The following CEP41 variants were observed in gnomAD, a reference collection of about 807,000 sequenced individuals.
CEP41 encodes centrosomal protein 41, also known as centrosomal protein of 41 kDa.
CEP41 carries 32 observed loss-of-function variants against 44.3 expected under a neutral mutation model. That is an observed-to-expected ratio of 0.72 (90% confidence interval 0.54 to 0.97). The LOEUF (loss-of-function observed/expected upper bound fraction) is 0.97, where lower values mean the gene tolerates loss of function less well. Among genes scored for constraint, CEP41 ranks in the 50% least tolerant of loss-of-function variants. CEP41 has a pLI of 0.00. For synonymous variants in CEP41, 151 were observed against 168.5 expected, an observed-to-expected ratio of 0.90 and a Z score of 0.80; for missense variants, 432 against 455.2, an observed-to-expected ratio of 0.95 and a Z score of 0.46.
Position 130,398,512 on chromosome 7 carries a change from A to T in CEP41, c.*379T>A, listed in dbSNP as rs1363386390. On this transcript the variant is annotated 3_prime_UTR_variant, in exon 11 of 11. Transcript: ENST00000223208. ...AGGTGGCAGGGACAGGCACACGGGC[A>T]GATGTGACTGAAGTATTTACAAAAC... 4 of 458,328 alleles carry T rather than the reference A, an allele frequency of 8.7e-6. No individual in the cohort carries two copies. The highest frequency in any genetic ancestry group is 1.7e-5 in the Non-Finnish European group (4 of 229,634). 28.4% of individuals were successfully genotyped at this position (458,328 alleles called of 1,614,324 possible). A position where few individuals can be genotyped will look rare whatever the true frequency, so the allele number is the denominator to read the frequency against.
intron 7 of CEP41, 33 bp downstream of exon 7, chr7:130,402,615 G>T: frequency 6.2e-7 from 1 of 1,613,058 alleles, no homozygotes; most frequent in Non-Finnish European, 8.5e-7. Context: ...CTGTTCTTGA[G>T]AGTGAGGCAC....
At chr7:130,414,634 A>G (rs1476443684) in intron 3 of CEP41, among the ~76,000 whole-genome samples, 2 of 152,248 alleles carry the variant, frequency 1.3e-5, no homozygotes, top group Non-Finnish European at 2.9e-5. Context: ...TGTCTTCTGC[A>G]CAAGCACTAG....
chr7:130,406,526 G>C (rs573518736), intron 5 of CEP41, among the ~76,000 whole-genome samples: 2 of 152,292 alleles, frequency 1.3e-5, no homozygotes, highest in African/African-American at 4.8e-5. Context: ...GGAGGTTGCA[G>C]TGAGCTGAGA....
At chr7:130,400,658 G>A in intron 9 of CEP41, 49 bp downstream of exon 9, 1 of 1,118,052 alleles carries the variant, frequency 8.9e-7, no homozygotes, top group Non-Finnish European at 1.3e-6. Flanking sequence ...AGGTGGGACT[G>A]AAGGATGATC....
At position 130,398,402 on chromosome 7, in the gene CEP41, A is replaced by G. The variant is rs1554415797; in HGVS notation, c.*489T>C. The G allele has an allele frequency of 6.6e-6, 3 of 453,928 alleles. No homozygotes were observed. The highest frequency in any genetic ancestry group is 1.3e-5 in the Non-Finnish European group (3 of 226,824). 28.1% of individuals were successfully genotyped at this position (453,928 alleles called of 1,614,324 possible). A position where few individuals can be genotyped will look rare whatever the true frequency, so the allele number is the denominator to read the frequency against. On this transcript the variant is annotated 3_prime_UTR_variant, in exon 11 of 11. Transcript: ENST00000223208. The stretch of plus-strand genomic sequence containing the variant: ...TGGGGTCTGCAGGCGGCTGGAACCT[A>G]AGGCTCATCTGCACCCTTGGAAACA...
At chr7:130,437,365 CA>C (rs35213113) in intron 1 of CEP41, among the ~76,000 whole-genome samples, 10 of 146,578 alleles carry the variant, frequency 6.8e-5, no homozygotes, top group Non-Finnish European at 9.0e-5. Flanking sequence ...ACACTGGGGA[CA>C]AAAAAAAAAG....
chr7:130,414,189 G>A (rs1797268354), intron 3 of CEP41, among the ~76,000 whole-genome samples: 1 of 152,188 alleles, frequency 6.6e-6, no homozygotes, highest in African/African-American at 2.4e-5. Flanking sequence ...GTCTTAAAGA[G>A]AGCAATTTGG....
At chr7:130,402,020 T>C in intron 7 of CEP41, 72 bp from the exon 8 acceptor site, 1 of 1,033,794 alleles carries the variant, frequency 9.7e-7, no homozygotes, top group Non-Finnish European at 1.5e-6. Flanking sequence ...TCCCAGCTGG[T>C]TTAAAATCTA....
rs1554416743 is a variant in CEP41 at position 130,400,822 on chromosome 7, C to T, written c.643-1G>A. On this transcript the variant is annotated splice_acceptor_variant, in intron 8 of 10. Transcript: ENST00000223208. LOFTEE classifies it high-confidence loss of function. ...TGATGATCTTGCCATGGGCATTTTTCTAAGAGTCAGATGAGTTAAGGTTCC... is the reference window on the plus strand; with the variant it reads ...TGATGATCTTGCCATGGGCATTTTTTTAAGAGTCAGATGAGTTAAGGTTCC... 1.3e-6 allele frequency: 2 copies of T among 1,599,692 alleles called. No individual in the cohort carries two copies. Among genetic ancestry groups the T allele is most frequent in the African/African-American group, 2.7e-5 (2 of 74,674 alleles).
chr7:130,408,996 T>A (rs1187879053), intron 5 of CEP41, among the ~76,000 whole-genome samples: 1 of 152,126 alleles, frequency 6.6e-6, no homozygotes, highest in African/African-American at 2.4e-5. Context: ...TAGATTTAAT[T>A]GGGGTGAGGG....
chr7:130,418,979 G>A (rs1407578348), intron 2 of CEP41: 1 of 776,688 alleles, frequency 1.3e-6, no homozygotes, highest in Admixed American at 6.3e-5. Flanking sequence ...TTGAAACACT[G>A]CATTTCCAAA....
chr7:130,413,519 T>C (rs1797246218), intron 3 of CEP41, among the ~76,000 whole-genome samples: 1 of 151,142 alleles, frequency 6.6e-6, no homozygotes, highest in African/African-American at 2.4e-5. Context: ...AGGTGGAGAT[T>C]GCAGTGAGCC....
chr7:130,436,004 AT>A (rs1393703691), intron 1 of CEP41, among the ~76,000 whole-genome samples: 1 of 152,126 alleles, frequency 6.6e-6, no homozygotes, highest in African/African-American at 2.4e-5. Context: ...AATACAAAAA[AT>A]TGGCCGGGCA....
At chr7:130,441,368 A>T (rs542959302), upstream of CEP41, 1 of 367,368 alleles carries the variant, frequency 2.7e-6, no homozygotes, top group Non-Finnish European at 5.3e-6. Context: ...ACAACACAAG[A>T]CTCCCCATCC....
chr7:130,430,979 T>C (rs1797805764), intron 1 of CEP41, among the ~76,000 whole-genome samples: 1 of 152,044 alleles, frequency 6.6e-6, no homozygotes, highest in Non-Finnish European at 1.5e-5. Flanking sequence ...ACAGCTGCAG[T>C]GGCTGAGCCC....
At chr7:130,402,617 G>A (rs1446687298) in intron 7 of CEP41, 31 bp downstream of exon 7, 5 of 1,613,052 alleles carry the variant, frequency 3.1e-6, no homozygotes, top group Non-Finnish European at 4.2e-6. Context: ...GTTCTTGAGA[G>A]TGAGGCACTT....
intron 2 of CEP41, among the ~76,000 whole-genome samples, chr7:130,418,026 T>C (rs1157583086): frequency 6.6e-6 from 1 of 152,260 alleles, no homozygotes; most frequent in Admixed American, 6.5e-5. Context: ...AAACAACTTA[T>C]TTCATTGGCT....
chr7:130,405,439 A>G (rs1055656963), intron 5 of CEP41, among the ~76,000 whole-genome samples: 1 of 152,208 alleles, frequency 6.6e-6, no homozygotes, highest in Admixed American at 6.5e-5. Context: ...TACTGATGGC[A>G]TTGTTGCCAA....
intron 5 of CEP41, among the ~76,000 whole-genome samples, chr7:130,410,682 T>A (rs1442086760): frequency 6.6e-6 from 1 of 152,192 alleles, no homozygotes; most frequent in African/African-American, 2.4e-5. Context: ...TCCTCCATTT[T>A]AAAATTCTGC....
Sources: allele counts gnomAD v4.1 joint callset (sites outside exome capture counted in the v4.1 genomes callset), GRCh38; gene constraint gnomAD v4.1.1; transcripts MANE v1.5; gene names NCBI Gene and HGNC (gene_info 2026-07-23, HGNC 2026-07-21).